The following IGSF11 variants were observed in gnomAD, a reference collection of about 807,000 sequenced individuals.
IGSF11 encodes the protein CXADR like 1.
A neutral mutation model predicts 41.0 loss-of-function variants in IGSF11; 22 were observed. The observed-to-expected ratio is 0.54, with a 90% CI of 0.38 to 0.77. IGSF11 has a LOEUF of 0.77. Among genes scored for constraint, IGSF11 ranks in the 30% least tolerant of loss-of-function variants. The probability of loss-of-function intolerance (pLI) is 0.00; values close to 1 mark genes in which losing one functional copy is unlikely to be tolerated. For missense variants in IGSF11, 444 were observed against 530.8 expected, an observed-to-expected ratio of 0.84 and a Z score of 1.61; for synonymous variants, 219 against 201.3, an observed-to-expected ratio of 1.09 and a Z score of -0.74.
chr3:118,903,891 G>C (rs1939247308), intron 6 of IGSF11, among the ~76,000 whole-genome samples: 1 of 152,204 alleles, frequency 6.6e-6, no homozygotes, highest in Admixed American at 6.5e-5. Flanking sequence ...ATTTAGTAAA[G>C]AGATGGATCA....
intron 1 of IGSF11, among the ~76,000 whole-genome samples, chr3:118,962,823 G>A (rs1027015907): frequency 6.6e-6 from 1 of 151,930 alleles, no homozygotes; most frequent in African/African-American, 2.4e-5. Context: ...TAACTGGAAG[G>A]GCAAGAAAAG....
intron 1 of IGSF11, among the ~76,000 whole-genome samples, chr3:119,072,576 C>T (rs932149251): frequency 3.9e-5 from 6 of 152,112 alleles, no homozygotes; most frequent in South Asian, 2.1e-4. Context: ...TTTGTGGTCT[C>T]GCTGGCTTCA....
intron 1 of IGSF11, among the ~76,000 whole-genome samples, chr3:119,016,524 G>A (rs1052471507): frequency 2.0e-5 from 3 of 152,194 alleles, no homozygotes; most frequent in African/African-American, 7.2e-5. Context: ...TATTTAGAAT[G>A]CTGAAGCAAA....
chr3:119,049,627 T>G (rs1262051476), intron 1 of IGSF11, among the ~76,000 whole-genome samples: 2 of 152,050 alleles, frequency 1.3e-5, no homozygotes, highest in Non-Finnish European at 2.9e-5. Flanking sequence ...ATGACTTTCT[T>G]CACAGAATTG....
chr3:118,982,904 C>A (rs1934881252), intron 1 of IGSF11, among the ~76,000 whole-genome samples: 1 of 152,136 alleles, frequency 6.6e-6, no homozygotes, highest in Non-Finnish European at 1.5e-5. Context: ...GAAGCTAATT[C>A]CAAATGGTGA....
At chr3:119,139,877 G>A (rs11922823) in intron 1 of IGSF11, among the ~76,000 whole-genome samples, 20,233 of 152,048 alleles carry the variant, frequency 0.13, 1,396 homozygotes, top group East Asian at 0.23. Flanking sequence ...GAATGGTGAC[G>A]GGAACATAGT....
intron 1 of IGSF11, among the ~76,000 whole-genome samples, chr3:119,064,325 T>C (rs944784996): frequency 1.3e-5 from 2 of 152,188 alleles, no homozygotes; most frequent in African/African-American, 2.4e-5. Flanking sequence ...AACTGCAGCA[T>C]AGCCTTTGTC....
At chr3:118,926,352 T>TTAG (rs1179897257) in intron 3 of IGSF11, 96 bp from the exon 4 acceptor site, 17 of 1,027,740 alleles carry the variant, frequency 1.7e-5, no homozygotes, top group Non-Finnish European at 2.3e-5. Context: ...GACCCTTAGA[T>TTAG]TACACTGTTT....
chr3:119,093,343 C>T (rs140754191), intron 1 of IGSF11, among the ~76,000 whole-genome samples: 4 of 152,198 alleles, frequency 2.6e-5, no homozygotes, highest in African/African-American at 9.6e-5. Flanking sequence ...CCCAAACACA[C>T]TACCATGGAG....
At chr3:119,053,907 A>G (rs1421064460) in intron 1 of IGSF11, among the ~76,000 whole-genome samples, 1 of 152,174 alleles carries the variant, frequency 6.6e-6, no homozygotes, top group Non-Finnish European at 1.5e-5. Flanking sequence ...ACAAAAAGAT[A>G]AAGTGGGGAA....
chr3:119,007,156 T>C (rs6438478), intron 1 of IGSF11, among the ~76,000 whole-genome samples: 39,639 of 133,956 alleles, frequency 0.3, 6,299 homozygotes, highest in African/African-American at 0.46. Context: ...GTGTGGGATA[T>C]AGTCTCGTGG....
intron 1 of IGSF11, among the ~76,000 whole-genome samples, chr3:118,998,055 T>G (rs1472569562): frequency 2.6e-5 from 4 of 152,202 alleles, no homozygotes; most frequent in African/African-American, 9.6e-5. Flanking sequence ...GTAATGGCGC[T>G]TCTATTTTGA....
At chr3:119,105,334 C>A (rs1001645589), upstream of IGSF11, 12 of 584,932 alleles carry the variant, frequency 2.1e-5, no homozygotes, top group Admixed American at 1.6e-4. Flanking sequence ...GGAGCCATAA[C>A]AAAATATTAG....
At chr3:119,023,045 T>A (rs1939448938) in intron 1 of IGSF11, among the ~76,000 whole-genome samples, 1 of 152,060 alleles carries the variant, frequency 6.6e-6, no homozygotes, top group Non-Finnish European at 1.5e-5. Flanking sequence ...GAGGATCACC[T>A]GATGTCAGGA....
intron 1 of IGSF11, among the ~76,000 whole-genome samples, chr3:119,145,009 A>T (rs1366426746): frequency 6.6e-6 from 1 of 152,264 alleles, no homozygotes; most frequent in Non-Finnish European, 1.5e-5. Context: ...TAAATAAGGT[A>T]GATAATTCAT....
At chr3:118,911,544 A>G (rs572201905) in intron 4 of IGSF11, among the ~76,000 whole-genome samples, 3 of 152,258 alleles carry the variant, frequency 2.0e-5, no homozygotes, top group Non-Finnish European at 2.9e-5. Context: ...AGGCAGGAAG[A>G]TAACTTGAGC....
chr3:119,097,557 A>G (rs2076873982), intron 1 of IGSF11, among the ~76,000 whole-genome samples: 1 of 152,020 alleles, frequency 6.6e-6, no homozygotes, highest in African/African-American at 2.4e-5. Context: ...AGAGAGAGAG[A>G]GCCTGCTAAC....
chr3:119,077,978 C>G (rs2076528025), intron 1 of IGSF11, among the ~76,000 whole-genome samples: 1 of 152,074 alleles, frequency 6.6e-6, no homozygotes, highest in Non-Finnish European at 1.5e-5. Flanking sequence ...TGAAAGATCT[C>G]TACAACAACA....
chr3:118,906,131 T>C (rs1939563421), intron 4 of IGSF11, among the ~76,000 whole-genome samples: 1 of 152,126 alleles, frequency 6.6e-6, no homozygotes, highest in Non-Finnish European at 1.5e-5. Flanking sequence ...ATGAAGAAAA[T>C]ATCAAATCTG....
Sources: allele counts gnomAD v4.1 joint callset (sites outside exome capture counted in the v4.1 genomes callset), GRCh38; gene constraint gnomAD v4.1.1; transcripts MANE v1.5; gene names NCBI Gene and HGNC (gene_info 2026-07-23, HGNC 2026-07-21).